The following NKAIN2 variants were observed in gnomAD, a reference collection of about 807,000 sequenced individuals.
NKAIN2 encodes the protein sodium/potassium transporting ATPase interacting 2, also known as sodium/potassium-transporting ATPase subunit beta-1-interacting protein 2.
A neutral mutation model predicts 32.6 loss-of-function variants in NKAIN2; 14 were observed. The ratio of observed to expected loss-of-function variants is 0.43; its 90% CI spans 0.28 to 0.67. The LOEUF (loss-of-function observed/expected upper bound fraction) is 0.67. Among genes scored for constraint, NKAIN2 ranks in the 30% least tolerant of loss-of-function variants. NKAIN2 has a pLI of 0.17. For synonymous variants in NKAIN2, 80 were observed against 87.2 expected, an observed-to-expected ratio of 0.92 and a Z score of 0.46; for missense variants, 198 against 258.3, an observed-to-expected ratio of 0.77 and a Z score of 1.60.
chr6:123,910,575 C>T (rs75372599), intron 1 of NKAIN2, among the ~76,000 whole-genome samples: 1,687 of 139,682 alleles, frequency 0.012, 32 homozygotes, highest in African/African-American at 0.043. Context: ...TCAATCTCAG[C>T]TCATTGCAAC....
chr6:124,076,585 A>G (rs1200930193), intron 1 of NKAIN2, among the ~76,000 whole-genome samples: 1 of 152,210 alleles, frequency 6.6e-6, no homozygotes. Context: ...AGGGTGAAAA[A>G]CAGATCATTG....
At chr6:123,855,808 G>A (rs1775535751) in intron 1 of NKAIN2, among the ~76,000 whole-genome samples, 1 of 152,200 alleles carries the variant, frequency 6.6e-6, no homozygotes, top group African/African-American at 2.4e-5. Context: ...ATAAATGCCA[G>A]AAAATTAATT....
intron 4 of NKAIN2, among the ~76,000 whole-genome samples, chr6:124,770,268 A>G (rs1001650259): frequency 6.6e-6 from 1 of 152,132 alleles, no homozygotes. Flanking sequence ...CCCTTTTCCT[A>G]CTGGACTTGG....
At chr6:123,869,760 C>T (rs762334071) in intron 1 of NKAIN2, among the ~76,000 whole-genome samples, 9 of 152,056 alleles carry the variant, frequency 5.9e-5, no homozygotes, top group Non-Finnish European at 1.2e-4. Flanking sequence ...CCACTTAGGA[C>T]AACAAGGCAT....
intron 1 of NKAIN2, among the ~76,000 whole-genome samples, chr6:123,913,515 CA>C (rs1346767875): frequency 6.6e-6 from 1 of 152,092 alleles, no homozygotes; most frequent in Non-Finnish European, 1.5e-5. Flanking sequence ...CTTCTTACTA[CA>C]AAAAACCTCA....
At chr6:123,957,762 G>A (rs1300415836) in intron 1 of NKAIN2, among the ~76,000 whole-genome samples, 1 of 151,988 alleles carries the variant, frequency 6.6e-6, no homozygotes, top group Non-Finnish European at 1.5e-5. Flanking sequence ...TTAAATTAAT[G>A]TATTACCCAA....
chr6:124,285,680 C>T (rs1002027528), intron 2 of NKAIN2, among the ~76,000 whole-genome samples: 2 of 152,026 alleles, frequency 1.3e-5, no homozygotes, highest in African/African-American at 4.8e-5. Flanking sequence ...CTACAGTTGA[C>T]CCTTGAACAG....
chr6:124,180,361 G>A (rs1425560408), intron 1 of NKAIN2, among the ~76,000 whole-genome samples: 4 of 152,068 alleles, frequency 2.6e-5, no homozygotes, highest in Non-Finnish European at 5.9e-5. Context: ...AGTGTGTGTA[G>A]GGGAACTCCC....
chr6:124,657,604 A>C (rs1784586106), intron 3 of NKAIN2, among the ~76,000 whole-genome samples: 1 of 152,182 alleles, frequency 6.6e-6, no homozygotes, highest in African/African-American at 2.4e-5. Flanking sequence ...CCAATTTCAC[A>C]AAAAGTGATA....
chr6:123,815,806 C>T (rs6928909), intron 1 of NKAIN2, among the ~76,000 whole-genome samples: 20,002 of 151,852 alleles, frequency 0.13, 2,837 homozygotes, highest in African/African-American at 0.35. Context: ...TACACACACA[C>T]GTATGTGTAT....
intron 3 of NKAIN2, among the ~76,000 whole-genome samples, chr6:124,475,205 T>G (rs1435038947): frequency 1.3e-5 from 2 of 152,040 alleles, no homozygotes; most frequent in Non-Finnish European, 2.9e-5. Flanking sequence ...ACATAGGCAT[T>G]GATCTTTTGT....
chr6:124,433,482 C>G (rs1466284417), intron 3 of NKAIN2, among the ~76,000 whole-genome samples: 1 of 152,080 alleles, frequency 6.6e-6, no homozygotes, highest in African/African-American at 2.4e-5. Context: ...TTCTGATAAA[C>G]TGTCATGTGG....
chr6:124,287,965 C>CCCTTTCTTCCTTCCTTCTTT (rs1341002436), intron 2 of NKAIN2, among the ~76,000 whole-genome samples: 17 of 151,996 alleles, frequency 1.1e-4, no homozygotes, highest in African/African-American at 2.7e-4. Context: ...CCCCCCCTCT[C>CCCTTTCTTCCTTCCTTCTTT]CCTTTCTTCC....
chr6:124,585,278 T>A (rs1382835931), intron 3 of NKAIN2, among the ~76,000 whole-genome samples: 1 of 152,088 alleles, frequency 6.6e-6, no homozygotes, highest in African/African-American at 2.4e-5. Context: ...CTCATGGGGA[T>A]AGAGAGTAGA....
intron 1 of NKAIN2, among the ~76,000 whole-genome samples, chr6:123,972,265 A>G (rs1047695738): frequency 2.6e-5 from 4 of 152,210 alleles, no homozygotes; most frequent in Non-Finnish European, 5.9e-5. Context: ...GCCAAAAGTT[A>G]CTGTGTGAGG....
chr6:123,934,504 T>C (rs235691), intron 1 of NKAIN2, among the ~76,000 whole-genome samples: 116,839 of 152,010 alleles, frequency 0.77, 45,308 homozygotes, highest in East Asian at 0.91. Context: ...TTTATGCACA[T>C]TATTCTGTAG....
chr6:123,911,811 A>ATATGTATATATATATATG, intron 1 of NKAIN2, among the ~76,000 whole-genome samples: 2 of 96,650 alleles, frequency 2.1e-5, no homozygotes, highest in South Asian at 3.0e-4. Flanking sequence ...GTATATATAT[A>ATATGTATATATATATATG]TACACACACA....
chr6:124,048,012 A>G (rs914289095), intron 1 of NKAIN2, among the ~76,000 whole-genome samples: 1 of 151,952 alleles, frequency 6.6e-6, no homozygotes, highest in African/African-American at 2.4e-5. Flanking sequence ...GTGAACATGG[A>G]TATCAGTTAT....
intron 1 of NKAIN2, among the ~76,000 whole-genome samples, chr6:124,281,750 A>G (rs1046293713): frequency 2.6e-5 from 4 of 152,186 alleles, no homozygotes; most frequent in African/African-American, 4.8e-5. Context: ...CTACTCAGCT[A>G]AAGAACTGCA....
Sources: allele counts gnomAD v4.1 joint callset (sites outside exome capture counted in the v4.1 genomes callset), GRCh38; gene constraint gnomAD v4.1.1; transcripts MANE v1.5; gene names NCBI Gene and HGNC (gene_info 2026-07-23, HGNC 2026-07-21).